IKZF2: variants seen among roughly 807,000 people sequenced by gnomAD.
The protein encoded by IKZF2 is IKAROS family zinc finger 2, also known as zinc finger protein Helios.
In IKZF2, 15 loss-of-function variants were observed where a neutral mutation model predicts 49.2. That is an observed-to-expected ratio of 0.30 (90% CI 0.20 to 0.47). IKZF2 has a LOEUF of 0.47. Among genes scored for constraint, IKZF2 ranks in the 20% least tolerant of loss-of-function variants. IKZF2 has a pLI of 1.00. For synonymous variants in IKZF2, 227 were observed against 221.4 expected (o/e 1.03, Z -0.23); for missense variants, 567 against 664.6 (o/e 0.85, Z 1.61).
rs1032267173 is a variant in IKZF2 at position 212,999,876 on chromosome 2, C to A, written c.*7484G>T. The A allele has an allele frequency of 6.6e-6, 1 of 152,152 alleles. No individual in the cohort carries two copies. Among genetic ancestry groups the A allele is most frequent in the Non-Finnish European group, 1.5e-5 (1 of 67,822 alleles). 9.4% of individuals were successfully genotyped at this position (152,152 alleles called of 1,614,324 possible). A position where few individuals can be genotyped will look rare whatever the true frequency, so the allele number is the denominator to read the frequency against. On this transcript the variant is annotated 3_prime_UTR_variant, in exon 9 of 9. Coordinates refer to ENST00000434687, the MANE Select transcript of IKZF2 (RefSeq NM_001387220.1). ...ACAGTACAAACCTTTATAATATAAT[C>A]CTTTTCACAAAGTATTACAAAGTTT...
chr2:213,075,438 TC>T (rs554388012), intron 4 of IKZF2, among the ~76,000 whole-genome samples: 1 of 152,128 alleles, frequency 6.6e-6, no homozygotes. Flanking sequence ...CAAGTTATAC[TC>T]AGTAGAAAAA....
At chr2:213,106,101 T>C (rs1229074553) in intron 4 of IKZF2, among the ~76,000 whole-genome samples, 3 of 152,226 alleles carry the variant, frequency 2.0e-5, no homozygotes, top group African/African-American at 7.2e-5. Flanking sequence ...CTAAACTGTC[T>C]TTATTTAAAT....
intron 4 of IKZF2, among the ~76,000 whole-genome samples, chr2:213,067,073 C>T (rs1051665053): frequency 5.3e-5 from 8 of 152,026 alleles, no homozygotes; most frequent in South Asian, 2.1e-4. Context: ...AGGCCAGGTT[C>T]GTTCATTTAT....
chr2:213,133,940 C>G (rs73079203), intron 4 of IKZF2, among the ~76,000 whole-genome samples: 2,024 of 151,822 alleles, frequency 0.013, 37 homozygotes, highest in African/African-American at 0.046. Flanking sequence ...AAACATATAC[C>G]CTGATCTTTT....
At chr2:213,056,444 G>A (rs1304193885) in intron 5 of IKZF2, 2 of 296,452 alleles carry the variant, frequency 6.7e-6, no homozygotes, top group East Asian at 1.9e-4. Flanking sequence ...TTACATAAAT[G>A]CATGAGTGCC....
intron 6 of IKZF2, among the ~76,000 whole-genome samples, chr2:213,023,726 T>G (rs12619958): frequency 0.48 from 73,497 of 151,970 alleles, 20,653 homozygotes; most frequent in East Asian, 0.79. Context: ...TAGTAATGAA[T>G]TTATACTGAA....
At chr2:213,120,821 G>C (rs1277194274) in intron 4 of IKZF2, among the ~76,000 whole-genome samples, 1 of 152,064 alleles carries the variant, frequency 6.6e-6, no homozygotes, top group African/African-American at 2.4e-5. Flanking sequence ...GCTCACTGCA[G>C]CCTCAACCTC....
chr2:213,146,726 T>C (rs1433758019), intron 4 of IKZF2, among the ~76,000 whole-genome samples: 2 of 123,588 alleles, frequency 1.6e-5, no homozygotes, highest in Non-Finnish European at 3.3e-5. Flanking sequence ...CATAATTAAG[T>C]ACATGATTCA....
At chr2:213,052,683 CAT>C (rs1272758751) in intron 5 of IKZF2, among the ~76,000 whole-genome samples, 1 of 151,930 alleles carries the variant, frequency 6.6e-6, no homozygotes, top group African/African-American at 2.4e-5. Flanking sequence ...TAAAAGTATA[CAT>C]AGTTATATTC....
At chr2:213,107,431 C>T (rs1396015249) in intron 4 of IKZF2, among the ~76,000 whole-genome samples, 1 of 152,162 alleles carries the variant, frequency 6.6e-6, no homozygotes, top group East Asian at 1.9e-4. Flanking sequence ...AGTACGTGTA[C>T]ATACACGCAC....
chr2:213,012,596 CA>C (rs1696088705), intron 8 of IKZF2, among the ~76,000 whole-genome samples: 1 of 151,972 alleles, frequency 6.6e-6, no homozygotes, highest in Non-Finnish European at 1.5e-5. Context: ...CTTCAACTGA[CA>C]TAATATAAAC....
chr2:213,107,439 C>T (rs2125744870), intron 4 of IKZF2, among the ~76,000 whole-genome samples: 1 of 152,312 alleles, frequency 6.6e-6, no homozygotes, highest in Non-Finnish European at 1.5e-5. Flanking sequence ...TACATACACG[C>T]ACTTTCCATT....
intron 4 of IKZF2, among the ~76,000 whole-genome samples, chr2:213,091,622 T>G (rs984569961): frequency 1.3e-5 from 2 of 152,040 alleles, no homozygotes; most frequent in Non-Finnish European, 2.9e-5. Flanking sequence ...AGAAAGGAAT[T>G]AGAGATGTTA....
intron 4 of IKZF2, among the ~76,000 whole-genome samples, chr2:213,090,689 A>G (rs916397472): frequency 1.3e-5 from 2 of 152,154 alleles, no homozygotes; most frequent in African/African-American, 4.8e-5. Context: ...ACAAAAAGGG[A>G]AAGTTTAGAC....
At chr2:213,053,021 T>C (rs1484122746) in intron 5 of IKZF2, among the ~76,000 whole-genome samples, 1 of 152,144 alleles carries the variant, frequency 6.6e-6, no homozygotes, top group Non-Finnish European at 1.5e-5. Flanking sequence ...AATGTGCCCT[T>C]TTTGAGTCAG....
chr2:213,058,677 A>G (rs1203719504), intron 4 of IKZF2, among the ~76,000 whole-genome samples: 1 of 151,874 alleles, frequency 6.6e-6, no homozygotes, highest in East Asian at 1.9e-4. Flanking sequence ...TATTTTATCC[A>G]TCTTTATATT....
chr2:213,043,243 T>C (rs1013600102), intron 6 of IKZF2, among the ~76,000 whole-genome samples: 1 of 152,104 alleles, frequency 6.6e-6, no homozygotes, highest in African/African-American at 2.4e-5. Flanking sequence ...GTATTCCAGA[T>C]ATTTTTCAAA....
chr2:213,080,451 G>C (rs531218411), intron 4 of IKZF2, among the ~76,000 whole-genome samples: 10 of 152,234 alleles, frequency 6.6e-5, no homozygotes, highest in African/African-American at 2.4e-4. Flanking sequence ...ATCAATCAAT[G>C]AATGGGGGAG....
intron 4 of IKZF2, among the ~76,000 whole-genome samples, chr2:213,110,142 C>T (rs961078594): frequency 1.6e-4 from 24 of 151,758 alleles, no homozygotes; most frequent in Non-Finnish European, 2.8e-4. Context: ...AATATTTTCT[C>T]AAAAAAACTA....
Sources: gnomAD v4.1 joint callset for allele counts (sites outside exome capture counted in the v4.1 genomes callset) on GRCh38, gnomAD v4.1.1 for gene constraint, MANE v1.5 for transcripts, NCBI Gene and HGNC (gene_info 2026-07-23, HGNC 2026-07-21) for gene names.